The following PRMT3 variants were observed in gnomAD, a reference collection of about 807,000 sequenced individuals.
PRMT3 encodes protein arginine methyltransferase 3, also known as protein arginine N-methyltransferase 3.
PRMT3 carries 62 observed loss-of-function variants against 71.9 expected under a neutral mutation model. That is an observed-to-expected ratio of 0.86 (90% CI 0.70 to 1.07). PRMT3 has a LOEUF of 1.07. Among genes scored for constraint, PRMT3 ranks in the 50% least tolerant of loss-of-function variants. The pLI, the probability that PRMT3 is intolerant of heterozygous loss-of-function variation, is 0.00. For missense variants in PRMT3, 663 were observed against 643.0 expected, an observed-to-expected ratio of 1.03 and a Z score of -0.34; for synonymous variants, 213 against 220.4, an observed-to-expected ratio of 0.97 and a Z score of 0.30.
intron 7 of PRMT3, among the ~76,000 whole-genome samples, chr11:20,402,337 T>A (rs958408802): frequency 6.6e-6 from 1 of 152,222 alleles, no homozygotes; most frequent in African/African-American, 2.4e-5. Flanking sequence ...CAGGCTGGTC[T>A]CGAACTCCTG....
Position 20,508,956 on chromosome 11 carries a change from A to C in PRMT3, c.*543A>C, listed in dbSNP as rs1851663737. 1 of 171,408 alleles carries C rather than the reference A, an allele frequency of 5.8e-6. No individual in the cohort carries two copies. Among genetic ancestry groups the C allele is most frequent in the South Asian group, 1.4e-4 (1 of 7,346 alleles). 10.6% of individuals were successfully genotyped at this position (171,408 alleles called of 1,614,324 possible). A position where few individuals can be genotyped will look rare whatever the true frequency, so the allele number is the denominator to read the frequency against. The stretch of plus-strand genomic sequence containing the variant: ...GCCTTCATATACAAATCATATATGC[A>C]GACAGCCTAGTTGATTATCTAGCAT... On this transcript the variant is annotated 3_prime_UTR_variant, in exon 16 of 16. Transcript: ENST00000331079.
intron 9 of PRMT3, among the ~76,000 whole-genome samples, chr11:20,425,122 A>AT (rs903591240): frequency 6.6e-6 from 1 of 151,402 alleles, no homozygotes; most frequent in African/African-American, 2.4e-5. Flanking sequence ...AAAAAAAAAA[A>AT]GAAAGAATAC....
At chr11:20,439,464 A>G (rs1849836628) in intron 10 of PRMT3, among the ~76,000 whole-genome samples, 1 of 151,970 alleles carries the variant, frequency 6.6e-6, no homozygotes, top group South Asian at 2.1e-4. Context: ...TCCCTGGGTT[A>G]TTTTCATTAA....
At chr11:20,461,418 A>C (rs976964810) in intron 11 of PRMT3, among the ~76,000 whole-genome samples, 1 of 152,230 alleles carries the variant, frequency 6.6e-6, no homozygotes, top group Non-Finnish European at 1.5e-5. Context: ...AATAGTCTAA[A>C]TATAAGTTTA....
At chr11:20,417,537 C>T (rs1849333964) in intron 9 of PRMT3, among the ~76,000 whole-genome samples, 1 of 152,062 alleles carries the variant, frequency 6.6e-6, no homozygotes, top group South Asian at 2.1e-4. Flanking sequence ...AGAACATAGA[C>T]CGTATCTTTT....
At chr11:20,449,052 T>G (rs1169647855) in intron 10 of PRMT3, among the ~76,000 whole-genome samples, 1 of 152,102 alleles carries the variant, frequency 6.6e-6, no homozygotes, top group Non-Finnish European at 1.5e-5. Flanking sequence ...CCCAGGAATT[T>G]AAAGGCTGTT....
intron 9 of PRMT3, among the ~76,000 whole-genome samples, chr11:20,409,344 A>C (rs1026987932): frequency 6.6e-6 from 1 of 152,162 alleles, no homozygotes; most frequent in African/African-American, 2.4e-5. Flanking sequence ...TTCACTGTCA[A>C]ATGAAACTTA....
At chr11:20,458,679 C>T (rs903314051) in intron 11 of PRMT3, among the ~76,000 whole-genome samples, 1 of 152,136 alleles carries the variant, frequency 6.6e-6, no homozygotes, top group Non-Finnish European at 1.5e-5. Flanking sequence ...ACCTATAACA[C>T]TGATTACATA....
chr11:20,443,023 A>G (rs536768652), intron 10 of PRMT3, among the ~76,000 whole-genome samples: 37 of 152,282 alleles, frequency 2.4e-4, no homozygotes, highest in African/African-American at 8.9e-4. Context: ...GGAGAGGGCA[A>G]CGTTACTAGT....
intron 10 of PRMT3, among the ~76,000 whole-genome samples, chr11:20,428,140 G>GTAT (rs1398036138): frequency 1.3e-5 from 2 of 151,860 alleles, no homozygotes; most frequent in Non-Finnish European, 2.9e-5. Flanking sequence ...CACAATATCA[G>GTAT]TATTCTCACA....
At chr11:20,490,360 C>T (rs773480266) in intron 13 of PRMT3, among the ~76,000 whole-genome samples, 5 of 152,134 alleles carry the variant, frequency 3.3e-5, no homozygotes, top group Non-Finnish European at 5.9e-5. Context: ...CTATATCTGT[C>T]ATTTTTCTTT....
intron 10 of PRMT3, among the ~76,000 whole-genome samples, chr11:20,435,512 T>C (rs770129415): frequency 6.6e-6 from 1 of 152,154 alleles, no homozygotes; most frequent in African/African-American, 2.4e-5. Context: ...TTTTTGTATA[T>C]GGTAGGAGAT....
At chr11:20,389,702 T>C (rs1156943440) in intron 2 of PRMT3, 42 bp from the exon 3 acceptor site, 7 of 1,399,902 alleles carry the variant, frequency 5.0e-6, no homozygotes, top group Non-Finnish European at 7.1e-6. Flanking sequence ...TATTTAGACT[T>C]CTTAGGGGAC....
At chr11:20,416,852 A>G (rs1006697374) in intron 9 of PRMT3, among the ~76,000 whole-genome samples, 1 of 151,958 alleles carries the variant, frequency 6.6e-6, no homozygotes, top group African/African-American at 2.4e-5. Context: ...GTGTAAATCT[A>G]CCCCCAGCTT....
chr11:20,480,645 G>A (rs115606055), intron 13 of PRMT3, among the ~76,000 whole-genome samples: 4,541 of 152,214 alleles, frequency 0.03, 228 homozygotes, highest in African/African-American at 0.1. Flanking sequence ...AGGCCAATAT[G>A]TAGGTTATTC....
chr11:20,467,814 C>T (rs746580740), intron 13 of PRMT3, among the ~76,000 whole-genome samples: 6 of 152,290 alleles, frequency 3.9e-5, no homozygotes, highest in Non-Finnish European at 5.9e-5. Context: ...GTGAGCTTGA[C>T]ATATGTAAGA....
chr11:20,416,013 C>CA (rs759715346), intron 9 of PRMT3, among the ~76,000 whole-genome samples: 2 of 152,196 alleles, frequency 1.3e-5, no homozygotes, highest in African/African-American at 2.4e-5. Context: ...CTGTTGGAGA[C>CA]AGAGTCCTGT....
chr11:20,418,608 A>T (rs1590049434), intron 9 of PRMT3, among the ~76,000 whole-genome samples: 1 of 152,168 alleles, frequency 6.6e-6, no homozygotes. Flanking sequence ...CATTCTGAAG[A>T]TATTTTTAAG....
intron 10 of PRMT3, among the ~76,000 whole-genome samples, chr11:20,445,211 G>A (rs985913391): frequency 7.2e-5 from 11 of 151,896 alleles, no homozygotes; most frequent in Non-Finnish European, 1.3e-4. Context: ...TTTGCAAAAT[G>A]TAGTATGAAA....
Sources: allele counts gnomAD v4.1 joint callset (sites outside exome capture counted in the v4.1 genomes callset), GRCh38; gene constraint gnomAD v4.1.1; transcripts MANE v1.5; gene names NCBI Gene and HGNC (gene_info 2026-07-23, HGNC 2026-07-21).